Variants in TNNC1 observed in about 807,000 individuals in gnomAD.
TNNC1 encodes troponin C, slow skeletal and cardiac muscles.
Under a neutral mutation model 19.6 loss-of-function variants are expected in TNNC1, and 10 were observed. The observed-to-expected ratio is 0.51, with a 90% CI of 0.31 to 0.87. The LOEUF (loss-of-function observed/expected upper bound fraction) is 0.87, where lower values mean the gene tolerates loss of function less well. TNNC1 is among the 40% of genes least tolerant of loss of function. The pLI is 0.04. For synonymous variants in TNNC1, 85 were observed against 80.1 expected, an observed-to-expected ratio of 1.06 and a Z score of -0.33; for missense variants, 115 against 219.8, an observed-to-expected ratio of 0.52 and a Z score of 3.02.
At position 52,451,388 on chromosome 3, in the gene TNNC1, T is replaced by A; in HGVS notation, c.454+3A>T. The stretch of plus-strand genomic sequence containing the variant: ...CAGGAGATCAGCCCACCCACCCGCT[T>A]ACCATCATAGTCGATGCGGCCGTCG... On this transcript the variant is annotated splice_donor_region_variant and intron_variant, in intron 5 of 5. Coordinates refer to ENST00000232975, the MANE Select transcript of TNNC1 (RefSeq NM_003280.3). The surrounding 1 kb of genome is among the most constrained non-coding windows in gnomAD (Gnocchi z 4.8). 6.2e-7 allele frequency: 1 copy of A among 1,614,134 alleles called. No homozygotes were observed. Among genetic ancestry groups the A allele is most frequent in the South Asian group, 1.1e-5 (1 of 91,084 alleles).
In TNNC1 at chr3:52,452,313, C is replaced by T. The variant is rs1706341612; in HGVS notation, c.56-61G>A. On this transcript the variant is annotated intron_variant, in intron 2 of 5. Coordinates refer to ENST00000232975, the MANE Select transcript of TNNC1 (RefSeq NM_003280.3). This position sits in a 1 kb window ranked among gnomAD's most constrained non-coding sequence, Gnocchi z 5.2. ...CTCAGCAGCCAGGACCACGGAGGGCCAGAACCCTGGGGCCACCTGCCAACC... is the reference window on the plus strand; with the variant it reads ...CTCAGCAGCCAGGACCACGGAGGGCTAGAACCCTGGGGCCACCTGCCAACC... The T allele has an allele frequency of 4.1e-5, 65 of 1,602,492 alleles. No individual in the cohort carries two copies. In the South Asian group the frequency reaches 7.1e-4, roughly 18 times the overall value.
In TNNC1 at chr3:52,452,405, T is replaced by A; in HGVS notation, c.55+78A>T. 6.3e-7 allele frequency: 1 copy of A among 1,591,720 alleles called. No individual in the cohort carries two copies. Among genetic ancestry groups the A allele is most frequent in the Non-Finnish European group, 8.6e-7 (1 of 1,166,322 alleles). Reference sequence around the variant, plus strand: ...GGGACCAAGCCTCTGGTCTCTGGCCTGGGGTCCTCTTCTGATAAGGGGTCC... The same window carrying A: ...GGGACCAAGCCTCTGGTCTCTGGCCAGGGGTCCTCTTCTGATAAGGGGTCC... On this transcript the variant is annotated intron_variant, in intron 2 of 5. Coordinates refer to ENST00000232975, the MANE Select transcript of TNNC1 (RefSeq NM_003280.3). This position sits in a 1 kb window ranked among gnomAD's most constrained non-coding sequence, Gnocchi z 5.2.
Position 52,452,421 on chromosome 3 carries a change from T to A in TNNC1, c.55+62A>T. 1.3e-6 allele frequency: 2 copies of A among 1,598,060 alleles called. No individual in the cohort carries two copies. Among genetic ancestry groups the A allele is most frequent in the Non-Finnish European group, 1.7e-6 (2 of 1,169,686 alleles). On this transcript the variant is annotated intron_variant, in intron 2 of 5. Transcript: ENST00000232975. The surrounding 1 kb of genome is among the most constrained non-coding windows in gnomAD (Gnocchi z 5.2). Reference sequence around the variant, plus strand: ...TCTCTGGCCTGGGGTCCTCTTCTGATAAGGGGTCCCCATGCCAGCCTGGAC... The same window carrying A: ...TCTCTGGCCTGGGGTCCTCTTCTGAAAAGGGGTCCCCATGCCAGCCTGGAC...
In TNNC1 at chr3:52,453,249, C is replaced by T. The variant is rs41292362; in HGVS notation, c.25-736G>A. The stretch of plus-strand genomic sequence containing the variant: ...GGGGTTGGGGGAGGTCACCACCACC[C>T]AGGATAGAATAGCATCTGAAGACCC... On this transcript the variant is annotated intron_variant, in intron 1 of 5. Transcript: ENST00000232975. Among the ~76,000 whole-genome samples the T allele has an allele frequency of 3.7e-3, 566 of 152,304 alleles. 4 individuals carry two copies. Among genetic ancestry groups the T allele is most frequent in the South Asian group, 0.019 (92 of 4,822 alleles).
In TNNC1 at chr3:52,452,265, G is replaced by A. The variant is rs770343636; in HGVS notation, c.56-13C>T. The A allele has an allele frequency of 4.4e-6, 7 of 1,607,966 alleles. No homozygotes were observed. In the African/African-American group the frequency reaches 8.0e-5, roughly 18 times the overall value. On this transcript the variant is annotated splice_polypyrimidine_tract_variant and intron_variant, in intron 2 of 5. Transcript: ENST00000232975. This position sits in a 1 kb window ranked among gnomAD's most constrained non-coding sequence, Gnocchi z 5.2. The stretch of plus-strand genomic sequence containing the variant: ...GCTGCCTTGAACTCTGTGTTCAGGG[G>A]TTGGGGGGCACAGTAGTCAGGGCTC...
At position 52,452,061 on chromosome 3, in the gene TNNC1, C is replaced by T. The variant is rs749736910; in HGVS notation, c.202+45G>A. On this transcript the variant is annotated intron_variant, in intron 3 of 5. Coordinates refer to ENST00000232975, the MANE Select transcript of TNNC1 (RefSeq NM_003280.3). This position sits in a 1 kb window ranked among gnomAD's most constrained non-coding sequence, Gnocchi z 5.2. ...TAAACAGAGCCAGCATTCCAGCCCCCAGCCAGCTGGGGTTCTTCTGGAGCC... is the reference window on the plus strand; with the variant it reads ...TAAACAGAGCCAGCATTCCAGCCCCTAGCCAGCTGGGGTTCTTCTGGAGCC... 1 of 1,613,524 alleles carries T rather than the reference C, an allele frequency of 6.2e-7. No homozygotes were observed. Among genetic ancestry groups the T allele is most frequent in the South Asian group, 1.1e-5 (1 of 91,078 alleles).
rs1362364913 is a variant in TNNC1 at position 52,451,813 on chromosome 3, C to T, written c.248G>A (p.Arg83Gln). 18 of 1,613,962 alleles carry T rather than the reference C, an allele frequency of 1.1e-5. No homozygotes were observed. The highest frequency in any genetic ancestry group is 1.3e-5 in the Non-Finnish European group (15 of 1,179,998). ...CCCTTTGCTGTCGTCCTTCATGCAC[C>T]GAACCATCATGACCAGGAACTCATC... ...DFDEFLVMMV[R>Q]CMKDDSKGKS... Residue 83 changes from arginine (R) to glutamine (Q), a missense_variant, in exon 4 of 6, where the codon CGG becomes CAG. This residue lies in a region of TNNC1 where 96 missense variants were observed against 114.2 expected (regional missense o/e 0.84). Transcript: ENST00000232975. The surrounding 1 kb of genome is among the most constrained non-coding windows in gnomAD (Gnocchi z 4.8).
At chr3:52,453,764 G>A (rs901238310) in intron 1 of TNNC1, among the ~76,000 whole-genome samples, 2 of 152,312 alleles carry the variant, frequency 1.3e-5, no homozygotes, top group African/African-American at 4.8e-5. Context: ...AGTGAGACAC[G>A]ATGCTGAAAG....
At position 52,452,994 on chromosome 3, in the gene TNNC1, G is replaced by T. The variant is rs1307453529; in HGVS notation, c.25-481C>A. 6.6e-6 allele frequency among the ~76,000 whole-genome samples: 1 copy of T among 152,218 alleles called. No individual in the cohort carries two copies. Among genetic ancestry groups the T allele is most frequent in the African/African-American group, 2.4e-5 (1 of 41,460 alleles). ...GCAGGGGGTGGGGCAGCGTTATCTG[G>T]CCCCCTGGCCTGCTAGTGCCGCCTC... is the stretch of plus-strand genomic sequence containing the variant. On this transcript the variant is annotated intron_variant, in intron 1 of 5. Transcript: ENST00000232975. The surrounding 1 kb of genome is among the most constrained non-coding windows in gnomAD (Gnocchi z 5.2).
chr3:52,452,374 G>A lies in TNNC1; in HGVS notation c.55+109C>T. On this transcript the variant is annotated intron_variant, in intron 2 of 5. Coordinates refer to ENST00000232975, the MANE Select transcript of TNNC1 (RefSeq NM_003280.3). This position sits in a 1 kb window ranked among gnomAD's most constrained non-coding sequence, Gnocchi z 5.2. The stretch of plus-strand genomic sequence containing the variant: ...CCTCGGAGACCTCTCTGAGGGCAGA[G>A]CAAGAGGGACCAAGCCTCTGGTCTC... 6.3e-7 allele frequency: 1 copy of A among 1,587,084 alleles called. No homozygotes were observed. The highest frequency in any genetic ancestry group is 1.3e-5 in the African/African-American group (1 of 74,630).
chr3:52,451,412 C>T lies in TNNC1; in HGVS notation c.433G>A (p.Asp145Asn), dbSNP rs142759728. Residue 145 changes from aspartate (D) to asparagine (N), a missense_variant, in exon 5 of 6, where the codon GAC becomes AAC. Coordinates refer to ENST00000232975, the MANE Select transcript of TNNC1 (RefSeq NM_003280.3). This position sits in a 1 kb window ranked among gnomAD's most constrained non-coding sequence, Gnocchi z 4.8. ...TTACCATCATAGTCGATGCGGCCGTCGTTGTTCTTGTCTCCGTCCTTCATG... is the reference window on the plus strand; with the variant it reads ...TTACCATCATAGTCGATGCGGCCGTTGTTGTTCTTGTCTCCGTCCTTCATG... ...ELMKDGDKNN[D>N]GRIDYDEFLE... 13 of 1,614,020 alleles carry T rather than the reference C, an allele frequency of 8.1e-6. No individual in the cohort carries two copies. The highest frequency in any genetic ancestry group is 3.3e-4 in the Middle Eastern group (2 of 6,084).
chr3:52,451,652 C>T lies in TNNC1; in HGVS notation c.317+92G>A. 6.4e-7 allele frequency: 1 copy of T among 1,568,666 alleles called. No homozygotes were observed. Reference sequence around the variant, plus strand: ...CCTCTCCCCTATCAGGCAGAGGCCACAGGGTCCCTAGGCCTGGAATCTGAG... The same window carrying T: ...CCTCTCCCCTATCAGGCAGAGGCCATAGGGTCCCTAGGCCTGGAATCTGAG... On this transcript the variant is annotated intron_variant, in intron 4 of 5. Coordinates refer to ENST00000232975, the MANE Select transcript of TNNC1 (RefSeq NM_003280.3). This position sits in a 1 kb window ranked among gnomAD's most constrained non-coding sequence, Gnocchi z 4.8.
At position 52,451,645 on chromosome 3, in the gene TNNC1, G is replaced by A. The variant is rs2153229922; in HGVS notation, c.317+99C>T. On this transcript the variant is annotated intron_variant, in intron 4 of 5. Transcript: ENST00000232975. The surrounding 1 kb of genome is among the most constrained non-coding windows in gnomAD (Gnocchi z 4.8). ...GGGCATCCCTCTCCCCTATCAGGCA[G>A]AGGCCACAGGGTCCCTAGGCCTGGA... The A allele has an allele frequency of 1.3e-6, 2 of 1,571,678 alleles. No individual in the cohort carries two copies. Among genetic ancestry groups the A allele is most frequent in the Non-Finnish European group, 1.8e-6 (2 of 1,141,988 alleles).
chr3:52,452,116 C>T lies in TNNC1; in HGVS notation c.192G>A (p.Val64=), dbSNP rs1578264280. The T allele has an allele frequency of 3.1e-6, 5 of 1,613,926 alleles. No individual in the cohort carries two copies. Among genetic ancestry groups the T allele is most frequent in the Non-Finnish European group, 4.2e-6 (5 of 1,180,040 alleles). Residue 64 remains valine (V), a synonymous_variant, in exon 3 of 6, where the codon GTG becomes GTA. Transcript: ENST00000232975. The surrounding 1 kb of genome is among the most constrained non-coding windows in gnomAD (Gnocchi z 5.2). ...GAGGAGGGGGCTCACCGTCCTCGTCCACCTCATCGATCATCTCCTGCAGCT... is the reference window on the plus strand; with the variant it reads ...GAGGAGGGGGCTCACCGTCCTCGTCTACCTCATCGATCATCTCCTGCAGCT... ...PEELQEMIDE[V]DEDGSGTVDF... is the part of the protein sequence containing the mutation.
Position 52,451,370 on chromosome 3 carries a change from T to C in TNNC1, c.454+21A>G. ...CTGGGCAGGGCATGGAGGCAGGAGA[T>C]CAGCCCACCCACCCGCTTACCATCA... On this transcript the variant is annotated intron_variant, in intron 5 of 5. Transcript: ENST00000232975. This position sits in a 1 kb window ranked among gnomAD's most constrained non-coding sequence, Gnocchi z 4.8. 3 of 1,613,942 alleles carry C rather than the reference T, an allele frequency of 1.9e-6. No homozygotes were observed. Among genetic ancestry groups the C allele is most frequent in the Non-Finnish European group, 2.5e-6 (3 of 1,179,968 alleles).
chr3:52,452,532 C>T lies in TNNC1; in HGVS notation c.25-19G>A, dbSNP rs1447575041. ...GCTCTACCTAGAAAGGAAAGGGAAT[C>T]TCAAGGCTCAGACTCAGGTATAGCT... is the stretch of plus-strand genomic sequence containing the variant. On this transcript the variant is annotated intron_variant, in intron 1 of 5. Coordinates refer to ENST00000232975, the MANE Select transcript of TNNC1 (RefSeq NM_003280.3). The surrounding 1 kb of genome is among the most constrained non-coding windows in gnomAD (Gnocchi z 5.2). The T allele has an allele frequency of 8.1e-6, 13 of 1,612,462 alleles. No homozygotes were observed. The highest frequency in any genetic ancestry group is 1.1e-5 in the Non-Finnish European group (13 of 1,179,398).
chr3:52,452,016 T>G lies in TNNC1; in HGVS notation c.202+90A>C. On this transcript the variant is annotated intron_variant, in intron 3 of 5. Transcript: ENST00000232975. The surrounding 1 kb of genome is among the most constrained non-coding windows in gnomAD (Gnocchi z 5.2). ...ATAGATGAGGCAACCAAGGCTCGGA[T>G]AGGCTAAATTGCTCCCAGCTAAACA... 1.9e-6 allele frequency: 3 copies of G among 1,602,192 alleles called. No homozygotes were observed. The highest frequency in any genetic ancestry group is 2.6e-6 in the Non-Finnish European group (3 of 1,171,114).
Position 52,451,179 on chromosome 3 carries a change from C to A in TNNC1, c.*96G>T. On this transcript the variant is annotated 3_prime_UTR_variant, in exon 6 of 6. Coordinates refer to ENST00000232975, the MANE Select transcript of TNNC1 (RefSeq NM_003280.3). This position sits in a 1 kb window ranked among gnomAD's most constrained non-coding sequence, Gnocchi z 4.8. The stretch of plus-strand genomic sequence containing the variant: ...GGGGATTTGGGGTTGAGGACATGGC[C>A]AGGCTCAGGTCCTGGGACCCCGACC... The A allele has an allele frequency of 1.4e-6, 2 of 1,451,268 alleles. No individual in the cohort carries two copies. The highest frequency in any genetic ancestry group is 1.9e-6 in the Non-Finnish European group (2 of 1,036,456). 89.9% of individuals were successfully genotyped at this position (1,451,268 alleles called of 1,614,324 possible). A position where few individuals can be genotyped will look rare whatever the true frequency, so the allele number is the denominator to read the frequency against.
At position 52,452,652 on chromosome 3, in the gene TNNC1, C is replaced by A; in HGVS notation, c.25-139G>T. The stretch of plus-strand genomic sequence containing the variant: ...CCACAGAGTGGAGGTCTCAGTCCTC[C>A]CTCCCTGCCCCCAAAGCCCTGACGT... On this transcript the variant is annotated intron_variant, in intron 1 of 5. Transcript: ENST00000232975. The surrounding 1 kb of genome is among the most constrained non-coding windows in gnomAD (Gnocchi z 5.2). The A allele has an allele frequency of 1.1e-6, 1 of 920,120 alleles. No homozygotes were observed. The allele number at this position is 920,120 out of a possible 1,614,324, so 57.0% of individuals were successfully genotyped here.
Sources: allele counts gnomAD v4.1 joint callset (sites outside exome capture counted in the v4.1 genomes callset), GRCh38; gene constraint gnomAD v4.1.1; regional missense constraint gnomAD v4.1.1; non-coding constraint Gnocchi (gnomAD v3.1); transcripts MANE v1.5; gene names NCBI Gene and HGNC (gene_info 2026-07-23, HGNC 2026-07-21).